The following LITAF variants were observed in gnomAD, a reference collection of about 807,000 sequenced individuals.
The protein encoded by LITAF is lipopolysaccharide-induced tumor necrosis factor-alpha factor.
LITAF carries 9 observed loss-of-function variants against 14.5 expected under a neutral mutation model. That is an observed-to-expected ratio of 0.62 (90% CI 0.37 to 1.08). The LOEUF (loss-of-function observed/expected upper bound fraction) is 1.08, where lower values mean the gene tolerates loss of function less well. Among genes scored for constraint, LITAF ranks in the 50% least tolerant of loss-of-function variants. The pLI is 0.01. For synonymous variants in LITAF, 98 were observed against 88.2 expected, an observed-to-expected ratio of 1.11 and a Z score of -0.62; for missense variants, 206 against 213.4, an observed-to-expected ratio of 0.97 and a Z score of 0.22.
intron 1 of LITAF, among the ~76,000 whole-genome samples, chr16:11,597,397 T>G (rs1295608012): frequency 1.3e-5 from 2 of 152,030 alleles, no homozygotes; most frequent in African/African-American, 4.8e-5. Context: ...GTCATAGAAT[T>G]ATAGTCGCCT....
chr16:11,636,152 C>G (rs1421632768), intron 1 of LITAF: 1 of 152,192 alleles, frequency 6.6e-6, no homozygotes, highest in African/African-American at 2.4e-5. Flanking sequence ...ATTCTCCAGC[C>G]TCCTCGGAGC....
Position 11,604,996 on chromosome 16 carries a change from G to T in LITAF, c.85+28537C>A, listed in dbSNP as rs553222958. ...TCTGTTCTCCTGTGTCGGGAAGTTGGAGCAATGCGGGAAAGAACGGAACTT... is the reference window on the plus strand; with the variant it reads ...TCTGTTCTCCTGTGTCGGGAAGTTGTAGCAATGCGGGAAAGAACGGAACTT... On this transcript the variant is annotated intron_variant, in intron 3 of 3. Coordinates refer to the LITAF transcript ENST00000574848. Among the ~76,000 whole-genome samples the T allele has an allele frequency of 2.6e-5, 4 of 152,290 alleles. No individual in the cohort carries two copies. In the East Asian group the frequency reaches 7.7e-4, roughly 29 times the overall value.
Position 11,549,154 on chromosome 16 carries a change from T to C in LITAF, c.*483A>G, listed in dbSNP as rs1454458695. 2.2e-6 allele frequency: 1 copy of C among 454,056 alleles called. No individual in the cohort carries two copies. Among genetic ancestry groups the C allele is most frequent in the Non-Finnish European group, 4.4e-6 (1 of 226,810 alleles). 28.1% of individuals were successfully genotyped at this position (454,056 alleles called of 1,614,324 possible). A position where few individuals can be genotyped will look rare whatever the true frequency, so the allele number is the denominator to read the frequency against. On this transcript the variant is annotated 3_prime_UTR_variant, in exon 4 of 4. Transcript: ENST00000622633. The surrounding 1 kb of genome is among the most constrained non-coding windows in gnomAD (Gnocchi z 4.6). ...CTGTAAAGTCTGTAAGGCAAGATCTTTGTCATCAGGGACGGGAAGAGACGG... is the reference window on the plus strand; with the variant it reads ...CTGTAAAGTCTGTAAGGCAAGATCTCTGTCATCAGGGACGGGAAGAGACGG...
upstream of LITAF, among the ~76,000 whole-genome samples, chr16:11,599,370 G>A (rs538313852): frequency 3.3e-5 from 5 of 152,162 alleles, no homozygotes; most frequent in Middle Eastern, 3.4e-3. Context: ...CACCCACCTC[G>A]GACTGCCAAA....
rs527481399 is a variant in LITAF, at chr16:11,555,809, TG to T, written c.220+701del. Among the ~76,000 whole-genome samples the T allele has an allele frequency of 1.7e-4, 26 of 152,332 alleles. No homozygotes were observed. In the South Asian group the frequency reaches 5.4e-3, roughly 32 times the overall value. On this transcript the variant is annotated intron_variant, in intron 2 of 3. Coordinates refer to ENST00000622633, the MANE Select transcript of LITAF (RefSeq NM_001136472.2). ...TTTTATCAAACGAGTACTCTGTATT[TG>T]GCACACACAACTTCCTCTCATGTTA...
intron 3 of LITAF, among the ~76,000 whole-genome samples, chr16:11,614,709 C>T (rs1452629645): frequency 1.3e-5 from 2 of 152,238 alleles, no homozygotes; most frequent in Non-Finnish European, 2.9e-5. Context: ...GAGATCCTCC[C>T]ATCTTGGCCT....
chr16:11,553,621 G>A lies in LITAF; in HGVS notation c.289C>T (p.Pro97Ser), dbSNP rs1481449648. ...FLDRPIQMCC[P>S]SCNKMIVSQL... ...CTCACGATCATCTTGTTGCAGGAAG[G>A]ACAACACATTTGGATAGGGCGGTCC... The change falls in exon 3 of 4, where the codon CCT (proline) becomes TCT (serine). Residue 97 changes from proline to serine, a missense_variant. Coordinates refer to ENST00000622633, the MANE Select transcript of LITAF (RefSeq NM_001136472.2). This position sits in a 1 kb window ranked among gnomAD's most constrained non-coding sequence, Gnocchi z 7.7. 1.9e-6 allele frequency: 3 copies of A among 1,614,010 alleles called. No homozygotes were observed. The African/African-American group carries it at 4.0e-5, about 22-fold the overall frequency.
exon 1 of LITAF, chr16:11,636,366 A>T (rs1482103626): frequency 3.9e-5 from 6 of 152,240 alleles, no homozygotes; most frequent in African/African-American, 1.4e-4. Context: ...GTCCCAGAGA[A>T]AATGGGTTAC....
At chr16:11,587,509 T>G (rs941878980), upstream of LITAF, 6 of 452,324 alleles carry the variant, frequency 1.3e-5, no homozygotes, top group Non-Finnish European at 2.7e-5. Context: ...ACAATAGCGG[T>G]CCTGTCTCCT....
intron 3 of LITAF, among the ~76,000 whole-genome samples, chr16:11,552,198 C>A (rs1348061503): frequency 6.6e-6 from 1 of 152,190 alleles, no homozygotes; most frequent in African/African-American, 2.4e-5. Context: ...AACACCGTTT[C>A]CTTCAAGGAA....
At chr16:11,587,847 C>T (rs2064823703), upstream of LITAF, among the ~76,000 whole-genome samples, 1 of 152,156 alleles carries the variant, frequency 6.6e-6, no homozygotes, top group South Asian at 2.1e-4. Flanking sequence ...TACACAGAGT[C>T]AGGAGATGGG....
At chr16:11,565,451 G>A in intron 1 of LITAF, among the ~76,000 whole-genome samples, 1 of 137,244 alleles carries the variant, frequency 7.3e-6, no homozygotes, top group East Asian at 2.6e-4. Flanking sequence ...GGGGGCGGGG[G>A]GGTGGGGGGA....
chr16:11,627,494 G>A (rs1375140386), intron 3 of LITAF, among the ~76,000 whole-genome samples: 1 of 152,230 alleles, frequency 6.6e-6, no homozygotes, highest in Non-Finnish European at 1.5e-5. Context: ...CAGTTCCAGT[G>A]GGATTCTGGT....
intron 3 of LITAF, among the ~76,000 whole-genome samples, chr16:11,618,213 T>C (rs184040498): frequency 1.3e-5 from 2 of 152,322 alleles, no homozygotes; most frequent in East Asian, 3.9e-4. Context: ...TATTTTTGTT[T>C]CTTCTCTCCA....
Position 11,625,706 on chromosome 16 carries a change from G to C in LITAF, c.85+7827C>G, listed in dbSNP as rs72781053. ...AGTGACAGAAATCAGAGCAGAAAGA[G>C]ATCAACCTTCCCTTTTAATCTTTCA... On this transcript the variant is annotated intron_variant, in intron 3 of 3. Transcript: ENST00000574848. Among the ~76,000 whole-genome samples the C allele has an allele frequency of 5.7e-3, 864 of 152,286 alleles. 12 individuals carry two copies. Among genetic ancestry groups the C allele is most frequent in the Non-Finnish European group, 6.4e-3 (434 of 68,026 alleles).
rs751525365 is a variant in LITAF, at chr16:11,556,680, T to C, written c.51A>G (p.Pro17=). ...TCTCTTCATAGGATGGAGGTGCGGATGGTGCTGAGGAAGGCCCAGTGGCCG... is the reference window on the plus strand; with the variant it reads ...TCTCTTCATAGGATGGAGGTGCGGACGGTGCTGAGGAAGGCCCAGTGGCCG... ...YQAATGPSSA[P]SAPPSYEETV... is the part of the protein sequence containing the mutation. Residue 17 remains proline, a synonymous_variant, in exon 2 of 4, where the codon CCA becomes CCG. Transcript: ENST00000622633. The C allele has an allele frequency of 3.1e-6, 5 of 1,614,184 alleles. No homozygotes were observed. The highest frequency in any genetic ancestry group is 1.7e-4 in the Middle Eastern group (1 of 6,060).
At chr16:11,604,727 A>G (rs2064945945) in intron 3 of LITAF, among the ~76,000 whole-genome samples, 1 of 148,380 alleles carries the variant, frequency 6.7e-6, no homozygotes, top group South Asian at 2.1e-4. Context: ...ATAAAATGTC[A>G]CTGCAATAGA....
intron 3 of LITAF, chr16:11,629,174 C>T (rs2065103433): frequency 6.6e-6 from 1 of 151,256 alleles, no homozygotes; most frequent in African/African-American, 2.5e-5. Flanking sequence ...GCCTAACAGG[C>T]ATCAGATGAG....
intron 1 of LITAF, among the ~76,000 whole-genome samples, chr16:11,594,076 C>T (rs2064866189): frequency 6.6e-6 from 1 of 151,824 alleles, no homozygotes; most frequent in African/African-American, 2.4e-5. Context: ...GTCCCAGCTA[C>T]TTGGGAGGCT....
Sources: gnomAD v4.1 joint callset for allele counts (sites outside exome capture counted in the v4.1 genomes callset) on GRCh38, gnomAD v4.1.1 for gene constraint, Gnocchi (gnomAD v3.1) non-coding constraint, MANE v1.5 for transcripts, NCBI Gene and HGNC (gene_info 2026-07-23, HGNC 2026-07-21) for gene names.